Variants in RTN4 observed in about 807,000 individuals in gnomAD.
The protein encoded by RTN4 is reticulon 4.
RTN4 carries 32 observed loss-of-function variants against 90.4 expected under a neutral mutation model. That is an observed-to-expected ratio of 0.35 (90% confidence interval 0.27 to 0.48). The LOEUF (loss-of-function observed/expected upper bound fraction) is 0.48, where lower values mean the gene tolerates loss of function less well. RTN4 is among the 20% of genes least tolerant of loss of function. The pLI, the probability that RTN4 is intolerant of heterozygous loss-of-function variation, is 0.99. For missense variants in RTN4, 1,706 were observed against 1,430.2 expected (o/e 1.19, Z -3.11); for synonymous variants, 629 against 552.5 (o/e 1.14, Z -1.94).
intron 1 of RTN4, among the ~76,000 whole-genome samples, chr2:55,082,950 CA>C (rs1003657642): frequency 8.7e-4 from 128 of 147,558 alleles, no homozygotes; most frequent in Admixed American, 6.1e-4. Context: ...GACTCCGTCT[CA>C]AAAAAAAAAG....
chr2:54,998,523 T>C (rs994113578), intron 3 of RTN4, among the ~76,000 whole-genome samples: 2 of 152,192 alleles, frequency 1.3e-5, no homozygotes, highest in Admixed American at 1.3e-4. Flanking sequence ...ATTTACACTA[T>C]TTTCAGATGT....
At chr2:55,126,838 T>C in the RTN4 span, among the ~76,000 whole-genome samples, 6 of 152,328 alleles carry the variant, frequency 3.9e-5, no homozygotes, top group East Asian at 5.8e-4. Flanking sequence ...TGGAATACTA[T>C]GCAACCATAA....
At chr2:55,016,259 A>T (rs1681027089) in intron 3 of RTN4, among the ~76,000 whole-genome samples, 2 of 152,178 alleles carry the variant, frequency 1.3e-5, no homozygotes, top group Non-Finnish European at 2.9e-5. Flanking sequence ...TATGATTCCA[A>T]TTTCATAAAA....
At chr2:55,096,038 C>T (rs566152715) in intron 1 of RTN4, among the ~76,000 whole-genome samples, 2 of 152,194 alleles carry the variant, frequency 1.3e-5, no homozygotes, top group East Asian at 1.9e-4. Flanking sequence ...CATATAAGAG[C>T]GCATGCTGGG....
At chr2:55,035,600 C>T (rs542287622) in intron 1 of RTN4, among the ~76,000 whole-genome samples, 3 of 150,946 alleles carry the variant, frequency 2.0e-5, no homozygotes, top group Non-Finnish European at 4.4e-5. Context: ...TAGTAAAGAG[C>T]AGAAACCAAT....
the RTN4 span, among the ~76,000 whole-genome samples, chr2:55,136,991 C>T: frequency 6.6e-6 from 1 of 152,156 alleles, no homozygotes; most frequent in Non-Finnish European, 1.5e-5. Context: ...AACTGGCAGT[C>T]CTGCGGAGGA....
At chr2:55,095,039 T>A (rs1272021146) in intron 1 of RTN4, among the ~76,000 whole-genome samples, 1 of 152,100 alleles carries the variant, frequency 6.6e-6, no homozygotes, top group Non-Finnish European at 1.5e-5. Context: ...AATACCATAA[T>A]AAGGCTGGGC....
chr2:55,007,810 C>A (rs1416772348), intron 3 of RTN4, among the ~76,000 whole-genome samples: 1 of 152,066 alleles, frequency 6.6e-6, no homozygotes, highest in Non-Finnish European at 1.5e-5. Flanking sequence ...CTTGACCACA[C>A]CAATCTTATC....
intron 3 of RTN4, among the ~76,000 whole-genome samples, chr2:55,005,538 T>C (rs1180060933): frequency 1.3e-5 from 2 of 152,188 alleles, no homozygotes; most frequent in African/African-American, 2.4e-5. Flanking sequence ...ACAATCTTTC[T>C]GGAAAGCAGT....
chr2:55,029,451 C>T (rs527428404), intron 1 of RTN4, among the ~76,000 whole-genome samples: 2 of 152,238 alleles, frequency 1.3e-5, no homozygotes, highest in South Asian at 4.1e-4. Flanking sequence ...TACCATCAGA[C>T]AATTTGAAAC....
chr2:55,107,963 T>G (rs1386944255), intron 1 of RTN4, among the ~76,000 whole-genome samples: 2 of 152,086 alleles, frequency 1.3e-5, no homozygotes, highest in Non-Finnish European at 2.9e-5. Context: ...TCGGTCCTTT[T>G]TTTTTTTGAG....
At chr2:55,078,052 TA>T (rs1268782034) in intron 2 of RTN4, among the ~76,000 whole-genome samples, 1 of 151,900 alleles carries the variant, frequency 6.6e-6, no homozygotes, top group Non-Finnish European at 1.5e-5. Context: ...GGATGAGGGA[TA>T]AAAGACTACG....
chr2:55,039,026 T>C (rs1334704627), intron 1 of RTN4, among the ~76,000 whole-genome samples: 1 of 152,202 alleles, frequency 6.6e-6, no homozygotes, highest in Admixed American at 6.5e-5. Flanking sequence ...ATATGATTGA[T>C]GCTTTAAAAT....
intron 3 of RTN4, among the ~76,000 whole-genome samples, chr2:55,015,593 C>T (rs1240391571): frequency 6.6e-6 from 1 of 152,060 alleles, no homozygotes; most frequent in Non-Finnish European, 1.5e-5. Context: ...AGAAGAAATA[C>T]AAACTGCCAA....
intron 2 of RTN4, among the ~76,000 whole-genome samples, chr2:55,058,040 G>A (rs576183300): frequency 2.0e-5 from 3 of 152,044 alleles, no homozygotes; most frequent in Non-Finnish European, 4.4e-5. Context: ...CAAAGCTAAA[G>A]AGAACTAAAA....
At chr2:55,014,711 T>C (rs1259686750) in intron 3 of RTN4, among the ~76,000 whole-genome samples, 2 of 152,054 alleles carry the variant, frequency 1.3e-5, no homozygotes, top group East Asian at 3.9e-4. Flanking sequence ...GAGACGAGGA[T>C]TCACCATGTT....
chr2:55,057,686 G>C (rs184281143), intron 2 of RTN4, among the ~76,000 whole-genome samples: 1 of 152,218 alleles, frequency 6.6e-6, no homozygotes, highest in Non-Finnish European at 1.5e-5. Flanking sequence ...AAAGAGGATG[G>C]GTACTAAGAG....
chr2:55,127,357 C>T, the RTN4 span, among the ~76,000 whole-genome samples: 1 of 152,182 alleles, frequency 6.6e-6, no homozygotes, highest in Non-Finnish European at 1.5e-5. Context: ...CATAAGAGCA[C>T]AGCCACAGAT....
At chr2:55,137,811 A>G in the RTN4 span, among the ~76,000 whole-genome samples, 10 of 152,128 alleles carry the variant, frequency 6.6e-5, no homozygotes, top group African/African-American at 2.4e-4. Flanking sequence ...AACCTGCCGC[A>G]GGCCTGTGCA....
Sources: gnomAD v4.1 joint callset for allele counts (sites outside exome capture counted in the v4.1 genomes callset) on GRCh38, gnomAD v4.1.1 for gene constraint, MANE v1.5 for transcripts, NCBI Gene and HGNC (gene_info 2026-07-23, HGNC 2026-07-21) for gene names.